The following GRID2 variants were observed in gnomAD, a reference collection of about 807,000 sequenced individuals.
The protein encoded by GRID2 is glutamate receptor ionotropic, delta-2.
A neutral mutation model predicts 114.8 loss-of-function variants in GRID2; 33 were observed. The ratio of observed to expected loss-of-function variants is 0.29; its 90% CI spans 0.22 to 0.38. The LOEUF is 0.38. GRID2 is among the 10% of genes least tolerant of loss of function. The probability of loss-of-function intolerance (pLI) is 1.00; values close to 1 mark genes in which losing one functional copy is unlikely to be tolerated. For missense variants in GRID2, 1,184 were observed against 1,257.7 expected (o/e 0.94, Z 0.89); for synonymous variants, 505 against 449.9 (o/e 1.12, Z -1.55).
At chr4:92,639,630 T>C (rs1260182438) in intron 2 of GRID2, among the ~76,000 whole-genome samples, 1 of 151,470 alleles carries the variant, frequency 6.6e-6, no homozygotes, top group Admixed American at 6.6e-5. Context: ...CACATTAAGA[T>C]GTTATGAAAT....
intron 1 of GRID2, among the ~76,000 whole-genome samples, chr4:92,472,971 T>C (rs1722117311): frequency 6.6e-6 from 1 of 152,080 alleles, no homozygotes; most frequent in Non-Finnish European, 1.5e-5. Flanking sequence ...CTATAAAATT[T>C]TTACCTATCC....
chr4:92,582,184 T>G (rs1728214129), intron 1 of GRID2, among the ~76,000 whole-genome samples: 1 of 151,854 alleles, frequency 6.6e-6, no homozygotes, highest in Admixed American at 6.6e-5. Context: ...ATAAAGTCAA[T>G]AACTTTATAT....
chr4:93,253,400 C>G (rs1749203435), intron 8 of GRID2, among the ~76,000 whole-genome samples: 1 of 152,058 alleles, frequency 6.6e-6, no homozygotes, highest in Non-Finnish European at 1.5e-5. Flanking sequence ...TATAGATTTA[C>G]TAGTTCTAAT....
At chr4:93,490,837 C>G in intron 12 of GRID2, 60 bp downstream of exon 12, 1 of 1,162,336 alleles carries the variant, frequency 8.6e-7, no homozygotes, top group South Asian at 1.3e-5. Context: ...GTGGCCAAAG[C>G]TATCTGAGAA....
chr4:93,058,177 AAACT>A (rs145765704), intron 2 of GRID2, among the ~76,000 whole-genome samples: 114 of 151,150 alleles, frequency 7.5e-4, no homozygotes, highest in African/African-American at 2.7e-3. Context: ...CTGGAATAAT[AAACT>A]AACAACAAAA....
intron 4 of GRID2, among the ~76,000 whole-genome samples, chr4:93,128,864 C>T (rs926152201): frequency 1.4e-4 from 21 of 152,088 alleles, no homozygotes; most frequent in Admixed American, 8.5e-4. Context: ...AAAGAGACTC[C>T]GAATTTGATG....
At chr4:93,796,554 T>A (rs1353120353) in intron 1 of GRID2, among the ~76,000 whole-genome samples, 2 of 152,142 alleles carry the variant, frequency 1.3e-5, no homozygotes, top group African/African-American at 4.8e-5. Flanking sequence ...TTTGTTTGTT[T>A]GTTTTTTGAG....
chr4:92,739,821 C>T (rs1210044723), intron 2 of GRID2, among the ~76,000 whole-genome samples: 1 of 152,016 alleles, frequency 6.6e-6, no homozygotes, highest in Admixed American at 6.6e-5. Context: ...ATAATTAAGT[C>T]TTATTCATTG....
At chr4:93,135,847 T>C (rs1166583770) in intron 4 of GRID2, among the ~76,000 whole-genome samples, 1 of 152,214 alleles carries the variant, frequency 6.6e-6, no homozygotes, top group Non-Finnish European at 1.5e-5. Context: ...GATTTTATTC[T>C]TATATCAAAA....
intron 14 of GRID2, among the ~76,000 whole-genome samples, chr4:93,730,611 G>A (rs1277369189): frequency 6.6e-6 from 1 of 152,328 alleles, no homozygotes; most frequent in South Asian, 2.1e-4. Flanking sequence ...GTCAAGATGA[G>A]GTAGATCAGC....
At position 93,492,300 on chromosome 4, in the gene GRID2, A is replaced by C. The variant is rs184185208; in HGVS notation, c.1997+1523A>C. Among the ~76,000 whole-genome samples, 4 of 152,018 alleles carry C rather than the reference A, an allele frequency of 2.6e-5. No individual in the cohort carries two copies. The East Asian group carries it at 7.8e-4, about 30-fold the overall frequency. ...ACTATCATCTTCAAAAATACATACT[A>C]TGAATAACTCATTTTATAAATGACA... is the stretch of plus-strand genomic sequence containing the variant. On this transcript the variant is annotated intron_variant, in intron 12 of 15. Coordinates refer to ENST00000282020, the MANE Select transcript of GRID2 (RefSeq NM_001510.4).
chr4:93,343,645 C>T (rs1759888773), intron 8 of GRID2, among the ~76,000 whole-genome samples: 1 of 151,250 alleles, frequency 6.6e-6, no homozygotes, highest in Admixed American at 6.6e-5. Flanking sequence ...TTTCTGATGT[C>T]ATTGATTCCT....
intron 8 of GRID2, among the ~76,000 whole-genome samples, chr4:93,279,196 T>C (rs912034108): frequency 4.6e-5 from 7 of 151,698 alleles, no homozygotes; most frequent in Non-Finnish European, 8.8e-5. Flanking sequence ...CTTGAGTTTG[T>C]TTACAAGTTC....
intron 1 of GRID2, among the ~76,000 whole-genome samples, chr4:92,477,760 T>C (rs1410764308): frequency 1.4e-5 from 2 of 147,862 alleles, no homozygotes; most frequent in African/African-American, 4.9e-5. Flanking sequence ...TATATTTATA[T>C]ATCCTCTTTT....
At chr4:93,289,588 G>C (rs889893963) in intron 8 of GRID2, among the ~76,000 whole-genome samples, 1 of 152,126 alleles carries the variant, frequency 6.6e-6, no homozygotes, top group Non-Finnish European at 1.5e-5. Flanking sequence ...AATAAAAATG[G>C]CTTTGTTTCT....
intron 13 of GRID2, among the ~76,000 whole-genome samples, chr4:93,586,168 T>C (rs1273336343): frequency 6.6e-6 from 1 of 152,072 alleles, no homozygotes; most frequent in Non-Finnish European, 1.5e-5. Context: ...AAACTAATCA[T>C]ATCATCCTTT....
chr4:92,859,046 T>G (rs1365510086), intron 2 of GRID2, among the ~76,000 whole-genome samples: 1 of 152,138 alleles, frequency 6.6e-6, no homozygotes, highest in African/African-American at 2.4e-5. Context: ...CTACTACGGG[T>G]AAAATGATAT....
intron 14 of GRID2, among the ~76,000 whole-genome samples, chr4:93,650,172 T>C (rs1444014011): frequency 1.3e-5 from 2 of 152,126 alleles, no homozygotes; most frequent in African/African-American, 4.8e-5. Flanking sequence ...CCACCTTTAT[T>C]GCCAACTTCC....
intron 4 of GRID2, among the ~76,000 whole-genome samples, chr4:93,142,367 C>T (rs1294595262): frequency 6.6e-6 from 1 of 152,118 alleles, no homozygotes; most frequent in Admixed American, 6.5e-5. Flanking sequence ...GGTCCAAGAT[C>T]AAGGTGCTGG....
Sources: gnomAD v4.1 joint callset for allele counts (sites outside exome capture counted in the v4.1 genomes callset) on GRCh38, gnomAD v4.1.1 for gene constraint, MANE v1.5 for transcripts, NCBI Gene and HGNC (gene_info 2026-07-23, HGNC 2026-07-21) for gene names.